The following GAB3 variants were observed in gnomAD, a reference collection of about 807,000 sequenced individuals.
GAB3 encodes GRB2 associated binding protein 3, also known as GRB2-associated-binding protein 3.
Under a neutral mutation model 40.4 loss-of-function variants are expected in GAB3, and 12 were observed. The observed-to-expected ratio is 0.30, with a 90% CI of 0.19 to 0.48. The LOEUF (loss-of-function observed/expected upper bound fraction) is 0.48, where lower values mean the gene tolerates loss of function less well. GAB3 is among the 20% of genes least tolerant of loss of function. The pLI, the probability that GAB3 is intolerant of heterozygous loss-of-function variation, is 0.99. For synonymous variants in GAB3, 154 were observed against 176.7 expected (o/e 0.87, Z 1.02); for missense variants, 381 against 461.9 (o/e 0.82, Z 1.61).
intron 4 of GAB3, among the ~76,000 whole-genome samples, chrX:154,709,515 C>T (rs925058178): frequency 6.0e-4 from 65 of 108,984 alleles, no homozygotes; most frequent in South Asian, 2.0e-3. Flanking sequence ...AGACAGGGTT[C>T]CACCATATTG....
intron 4 of GAB3, among the ~76,000 whole-genome samples, chrX:154,704,219 A>G (rs1331281147): frequency 9.4e-6 from 1 of 106,873 alleles, no homozygotes; most frequent in Non-Finnish European, 1.9e-5. Flanking sequence ...ATGGGCATAA[A>G]GAGTGGAAGA....
intron 1 of GAB3, among the ~76,000 whole-genome samples, chrX:154,740,121 G>GT (rs782546727): frequency 1.8e-5 from 2 of 111,753 alleles, no homozygotes; most frequent in African/African-American, 3.3e-5. Context: ...ACTTCTAAGA[G>GT]TTTTTTTTAC....
At chrX:154,697,623 C>T (rs956609397) in intron 6 of GAB3, among the ~76,000 whole-genome samples, 1 of 111,762 alleles carries the variant, frequency 8.9e-6, no homozygotes, top group African/African-American at 3.3e-5. Context: ...CTAGTCTTCC[C>T]CACCTACAAT....
At position 154,733,287 on chromosome X, in the gene GAB3, C is replaced by T. The variant is rs899950319; in HGVS notation, c.73-16958G>A. On this transcript the variant is annotated intron_variant, in intron 1 of 9. Coordinates refer to ENST00000424127, the MANE Select transcript of GAB3 (RefSeq NM_001081573.3). ...ATGCTATTTTTTATGTGTCACGTCC[C>T]TTTGTGAACTGCTGTGAACTGTCTG... Among the ~76,000 whole-genome samples, 94 of 112,318 alleles carry T rather than the reference C, an allele frequency of 8.4e-4. 2 individuals are homozygous for T. The highest frequency in any genetic ancestry group is 2.8e-4 in the Non-Finnish European group (15 of 53,237).
intron 1 of GAB3, among the ~76,000 whole-genome samples, chrX:154,750,738 G>A (rs2071600677): frequency 8.9e-6 from 1 of 112,467 alleles, no homozygotes; most frequent in South Asian, 3.6e-4. Flanking sequence ...GAGCCCCGCG[G>A]GCAGGCGCCA....
chrX:154,720,690 C>T (rs904740420), intron 1 of GAB3, among the ~76,000 whole-genome samples: 3 of 105,336 alleles, frequency 2.8e-5, no homozygotes, highest in Non-Finnish European at 5.9e-5. Flanking sequence ...AAGGGAACTA[C>T]TTCATTTCCT....
intron 1 of GAB3, among the ~76,000 whole-genome samples, chrX:154,728,220 GAGGGAGGAGAA>G (rs1176333374): frequency 8.9e-6 from 1 of 112,000 alleles, no homozygotes; most frequent in African/African-American, 3.2e-5. Flanking sequence ...AACTCAGGCT[GAGGGAGGAGAA>G]CCTATACCTA....
At chrX:154,739,385 C>A (rs2071405728) in intron 1 of GAB3, among the ~76,000 whole-genome samples, 1 of 111,693 alleles carries the variant, frequency 9.0e-6, no homozygotes, top group Non-Finnish European at 1.9e-5. Context: ...CAATGGAATA[C>A]AATTCAGCCA....
chrX:154,712,874 G>A (rs1429194782), intron 3 of GAB3, among the ~76,000 whole-genome samples, 173 bp from the exon 4 acceptor site: 2 of 111,952 alleles, frequency 1.8e-5, no homozygotes, highest in Admixed American at 9.4e-5. Flanking sequence ...AAGAAAAATG[G>A]TTTGTTGATT....
chrX:154,716,330 C>CT lies in GAB3; in HGVS notation c.73-2dup. On this transcript the variant is annotated splice_acceptor_variant, in intron 1 of 9. Coordinates refer to ENST00000424127, the MANE Select transcript of GAB3 (RefSeq NM_001081573.3). LOFTEE classifies it high-confidence loss of function. Reference sequence around the variant, plus strand: ...GGACAAACCAGCGCTTGCGCCAGGCCTGCAGAAAGGCAATTCAATAAGGAG... The same window carrying CT: ...GGACAAACCAGCGCTTGCGCCAGGCCTTGCAGAAAGGCAATTCAATAAGGAG... The CT allele has an allele frequency of 1.7e-6, 2 of 1,203,562 alleles. No individual in the cohort carries two copies. Among genetic ancestry groups the CT allele is most frequent in the Non-Finnish European group, 2.2e-6 (2 of 891,363 alleles).
chrX:154,749,435 C>A (rs782440107), intron 1 of GAB3, among the ~76,000 whole-genome samples: 5 of 112,714 alleles, frequency 4.4e-5, no homozygotes, highest in Non-Finnish European at 9.4e-5. Context: ...ACTGCAAGCA[C>A]TACTGTGTGA....
rs138548046 is a variant in GAB3 at position 154,737,292 on chromosome X, C to T, written c.72+13662G>A. ...TCAGTCAGAGCCCTGGGAGGAAAGG[C>T]GGGTGACTGGCATTACCACTGCAAG... On this transcript the variant is annotated intron_variant, in intron 1 of 9. Transcript: ENST00000424127. 2.5e-3 allele frequency among the ~76,000 whole-genome samples: 275 copies of T among 111,685 alleles called. 1 individual carries two copies. Among genetic ancestry groups the T allele is most frequent in the African/African-American group, 8.3e-3 (255 of 30,679 alleles).
chrX:154,714,337 G>A (rs1352461065), intron 2 of GAB3, among the ~76,000 whole-genome samples: 1 of 111,968 alleles, frequency 8.9e-6, no homozygotes, highest in African/African-American at 3.3e-5. Flanking sequence ...TTTCTATAAA[G>A]TGGAGATAGT....
At chrX:154,712,769 C>A in intron 3 of GAB3, 68 bp from the exon 4 acceptor site, 1 of 665,114 alleles carries the variant, frequency 1.5e-6, no homozygotes, top group Admixed American at 4.3e-5. Context: ...CCAACGCTGG[C>A]CTCATTCCCA....
At chrX:154,694,455 C>T (rs902483312) in intron 8 of GAB3, among the ~76,000 whole-genome samples, 1 of 109,018 alleles carries the variant, frequency 9.2e-6, no homozygotes, top group Non-Finnish European at 1.9e-5. Context: ...GGCGTTATCT[C>T]GACTCACTGC....
chrX:154,724,737 T>C (rs1603427021), intron 1 of GAB3, among the ~76,000 whole-genome samples: 1 of 112,570 alleles, frequency 8.9e-6, no homozygotes, highest in Non-Finnish European at 1.9e-5. Context: ...TTTAATCCCA[T>C]TCTTCTGAGA....
At position 154,687,986 on chromosome X, in the gene GAB3, G is replaced by A. The variant is rs1015393259; in HGVS notation, c.1531-7738C>T. 8.1e-4 allele frequency among the ~76,000 whole-genome samples: 91 copies of A among 111,803 alleles called. 2 individuals are homozygous for A. Among genetic ancestry groups the A allele is most frequent in the Non-Finnish European group, 2.4e-4 (13 of 53,129 alleles). On this transcript the variant is annotated intron_variant, in intron 8 of 9. Transcript: ENST00000424127. ...CATCCATATGCAAAATGTCAGCTTC[G>A]ACTTCACCTCACATCTCATACAAAA...
At chrX:154,734,996 C>T (rs1324397993) in intron 1 of GAB3, among the ~76,000 whole-genome samples, 1 of 81,667 alleles carries the variant, frequency 1.2e-5, no homozygotes, top group Non-Finnish European at 2.4e-5. Context: ...TTCTATGAGA[C>T]GTTAAGATAA....
intron 1 of GAB3, among the ~76,000 whole-genome samples, chrX:154,723,278 T>C (rs1271903049): frequency 8.9e-6 from 1 of 112,417 alleles, no homozygotes; most frequent in East Asian, 2.8e-4. Context: ...GTGTCCACTA[T>C]GTGCCAGACA....
Sources: allele counts gnomAD v4.1 joint callset (sites outside exome capture counted in the v4.1 genomes callset), GRCh38; gene constraint gnomAD v4.1.1; transcripts MANE v1.5; gene names NCBI Gene and HGNC (gene_info 2026-07-23, HGNC 2026-07-21).